Variants in EFCAB14 observed in about 807,000 individuals in gnomAD.
EFCAB14 encodes the protein EF-hand calcium binding domain 14, also known as EF-hand calcium-binding domain-containing protein 14.
EFCAB14 carries 43 observed loss-of-function variants against 56.5 expected under a neutral mutation model. The observed-to-expected ratio is 0.76, with a 90% confidence interval of 0.60 to 0.98. The LOEUF (loss-of-function observed/expected upper bound fraction) is 0.98. Ranked by LOEUF, EFCAB14 falls within the 50% of genes least tolerant of loss-of-function variation. The pLI is 0.00. For missense variants in EFCAB14, 538 were observed against 580.3 expected (o/e 0.93, Z 0.75); for synonymous variants, 235 against 212.9 (o/e 1.10, Z -0.90).
At chr1:46,702,672 ATACCATCATCGT>A (rs894504085) in intron 3 of EFCAB14, among the ~76,000 whole-genome samples, 2 of 151,978 alleles carry the variant, frequency 1.3e-5, no homozygotes, top group African/African-American at 4.9e-5. Context: ...GTTATCGTCA[ATACCATCATCGT>A]TATCATCATC....
chr1:46,702,833 T>C (rs1677179909), intron 3 of EFCAB14, among the ~76,000 whole-genome samples: 1 of 152,192 alleles, frequency 6.6e-6, no homozygotes, highest in African/African-American at 2.4e-5. Context: ...CACAGAGTAC[T>C]ATAGGAGAAG....
intron 2 of EFCAB14, among the ~76,000 whole-genome samples, chr1:46,715,458 C>A (rs1217578886): frequency 6.6e-6 from 1 of 152,168 alleles, no homozygotes; most frequent in Admixed American, 6.5e-5. Flanking sequence ...TGAGACTTGG[C>A]ACAGAGTAGG....
At chr1:46,696,907 C>T (rs1677084989) in intron 3 of EFCAB14, among the ~76,000 whole-genome samples, 1 of 152,168 alleles carries the variant, frequency 6.6e-6, no homozygotes, top group South Asian at 2.1e-4. Flanking sequence ...ATTCTTTACC[C>T]TGTCCTGGCA....
In EFCAB14 at chr1:46,705,241, C is replaced by T. The variant is rs566601645; in HGVS notation, c.480+2665G>A. Among the ~76,000 whole-genome samples the T allele has an allele frequency of 5.9e-5, 9 of 152,314 alleles. No individual in the cohort carries two copies. The South Asian group carries it at 1.9e-3, about 32-fold the overall frequency. On this transcript the variant is annotated intron_variant, in intron 3 of 10. Coordinates refer to ENST00000371933, the MANE Select transcript of EFCAB14 (RefSeq NM_014774.3). ...CCATCACCAATGCTCTGGGCCTGCG[C>T]TCATGGTGAAGTCCTCTGTTATCAG...
At chr1:46,681,202 G>A (rs1676788742) in intron 10 of EFCAB14, among the ~76,000 whole-genome samples, 1 of 152,106 alleles carries the variant, frequency 6.6e-6, no homozygotes, top group Non-Finnish European at 1.5e-5. Context: ...CAAGCCATCT[G>A]CCTGCCTTGG....
At chr1:46,689,561 G>A (rs1295750888) in intron 6 of EFCAB14, 26 bp downstream of exon 6, 1 of 1,607,660 alleles carries the variant, frequency 6.2e-7, no homozygotes, top group Non-Finnish European at 8.5e-7. Flanking sequence ...GTGGTCACAG[G>A]GAGTTAAGCC....
chr1:46,700,204 A>C (rs143518545), intron 3 of EFCAB14, among the ~76,000 whole-genome samples: 63 of 152,352 alleles, frequency 4.1e-4, no homozygotes, highest in African/African-American at 1.5e-3. Flanking sequence ...TAACCAAGGA[A>C]CAGATGATCA....
intron 8 of EFCAB14, 78 bp downstream of exon 8, chr1:46,686,706 A>T: frequency 1.4e-6 from 2 of 1,416,264 alleles, no homozygotes; most frequent in Non-Finnish European, 9.8e-7. Flanking sequence ...ACGCCCTTTG[A>T]AAAAGTAGCA....
chr1:46,696,719 C>G (rs1677082975), intron 3 of EFCAB14, 70 bp from the exon 4 acceptor site: 1 of 1,424,930 alleles, frequency 7.0e-7, no homozygotes, highest in Non-Finnish European at 9.8e-7. Flanking sequence ...CCTTCACAAA[C>G]TCTACGGTTG....
At chr1:46,715,616 C>T (rs971511847) in intron 2 of EFCAB14, among the ~76,000 whole-genome samples, 1 of 151,882 alleles carries the variant, frequency 6.6e-6, no homozygotes, top group South Asian at 2.1e-4. Flanking sequence ...GTTGTCATTG[C>T]CACTTTATGC....
intron 3 of EFCAB14, among the ~76,000 whole-genome samples, chr1:46,703,334 T>A (rs1677187002): frequency 6.6e-6 from 1 of 152,182 alleles, no homozygotes; most frequent in Non-Finnish European, 1.5e-5. Context: ...GGTCTCGAAC[T>A]CCTGACCTCG....
intron 9 of EFCAB14, 86 bp downstream of exon 9, chr1:46,684,405 C>G: frequency 9.2e-7 from 1 of 1,090,320 alleles, no homozygotes; most frequent in Non-Finnish European, 1.4e-6. Flanking sequence ...GCGATCAGTA[C>G]TGCTGGAACA....
chr1:46,684,552 C>A lies in EFCAB14; in HGVS notation c.1125G>T (p.Gln375His). 2 of 1,614,112 alleles carry A rather than the reference C, an allele frequency of 1.2e-6. No homozygotes were observed. The highest frequency in any genetic ancestry group is 1.7e-6 in the Non-Finnish European group (2 of 1,179,986). Residue 375 changes from glutamine to histidine, a missense_variant, in exon 9 of 11, where the codon CAG (glutamine) becomes CAT (histidine). Gln to His is a conservative substitution (Grantham distance 24). Coordinates refer to ENST00000371933, the MANE Select transcript of EFCAB14 (RefSeq NM_014774.3). Reference sequence around the variant, plus strand: ...GTTTGTTTGTAAGAGCACTGATCAGCTGGAGTTTCTCTCTTAGCTTGGATA... The same window carrying A: ...GTTTGTTTGTAAGAGCACTGATCAGATGGAGTTTCTCTCTTAGCTTGGATA... ...SQVSKLREKL[Q>H]LISALTNKPE...
At chr1:46,697,251 G>T (rs1347091526) in intron 3 of EFCAB14, among the ~76,000 whole-genome samples, 1 of 152,168 alleles carries the variant, frequency 6.6e-6, no homozygotes, top group African/African-American at 2.4e-5. Context: ...GTATCCTGAA[G>T]GGGCTCAATA....
chr1:46,685,601 T>A (rs1020381730), intron 8 of EFCAB14, among the ~76,000 whole-genome samples: 11 of 152,088 alleles, frequency 7.2e-5, no homozygotes, highest in African/African-American at 2.2e-4. Flanking sequence ...TTGGATGAGG[T>A]AGGACAAAGG....
intron 2 of EFCAB14, among the ~76,000 whole-genome samples, chr1:46,712,630 T>C (rs1296046017): frequency 6.6e-6 from 1 of 152,134 alleles, no homozygotes; most frequent in African/African-American, 2.4e-5. Context: ...AAAAAGGTAT[T>C]AAAGCCAGAC....
chr1:46,685,389 ATTTAT>A (rs1006360999), intron 8 of EFCAB14, among the ~76,000 whole-genome samples: 11 of 152,172 alleles, frequency 7.2e-5, no homozygotes, highest in African/African-American at 1.9e-4. Context: ...CTCATTACAC[ATTTAT>A]TTTATTATTG....
At chr1:46,679,630 T>TTTTC (rs1676758949) in intron 10 of EFCAB14, among the ~76,000 whole-genome samples, 1 of 104,216 alleles carries the variant, frequency 9.6e-6, no homozygotes, top group Non-Finnish European at 1.8e-5. Context: ...TTTTTTTTTT[T>TTTTC]GGTGGAGTCT....
In EFCAB14 at chr1:46,677,159, T is replaced by A. The variant is rs920475616; in HGVS notation, c.*1302A>T. On this transcript the variant is annotated 3_prime_UTR_variant, in exon 11 of 11. Transcript: ENST00000371933. Reference sequence around the variant, plus strand: ...TTCCTTTCAATCTAGGGATCTTTCATGCCAGGTCCACAGAAGCATTTAAAG... The same window carrying A: ...TTCCTTTCAATCTAGGGATCTTTCAAGCCAGGTCCACAGAAGCATTTAAAG... The A allele has an allele frequency of 2.0e-5, 3 of 152,650 alleles. No individual in the cohort carries two copies. The highest frequency in any genetic ancestry group is 4.8e-5 in the African/African-American group (2 of 41,450). The allele number at this position is 152,650 out of a possible 1,614,324, so 9.5% of individuals were successfully genotyped here. A position where few individuals can be genotyped will look rare whatever the true frequency, so the allele number is the denominator to read the frequency against.
Sources: gnomAD v4.1 joint callset for allele counts (sites outside exome capture counted in the v4.1 genomes callset) on GRCh38, gnomAD v4.1.1 for gene constraint, MANE v1.5 for transcripts, NCBI Gene and HGNC (gene_info 2026-07-23, HGNC 2026-07-21) for gene names.